The following CTNNA3 variants were observed in gnomAD, a reference collection of about 807,000 sequenced individuals.
The protein encoded by CTNNA3 is catenin alpha 3.
A neutral mutation model predicts 95.7 loss-of-function variants in CTNNA3; 76 were observed. That is an observed-to-expected ratio of 0.79 (90% CI 0.66 to 0.96). CTNNA3 has a LOEUF of 0.96. Among genes scored for constraint, CTNNA3 ranks in the 40% least tolerant of loss-of-function variants. The pLI is 0.00. For synonymous variants in CTNNA3, 431 were observed against 374.4 expected (o/e 1.15, Z -1.74); for missense variants, 1,191 against 1,089.8 (o/e 1.09, Z -1.31).
intron 5 of CTNNA3, among the ~76,000 whole-genome samples, chr10:67,360,961 A>T (rs565786322): frequency 6.0e-4 from 91 of 152,182 alleles, no homozygotes; most frequent in African/African-American, 2.1e-3. Context: ...AAAAAAGAGC[A>T]GTGATTGATA....
chr10:66,533,056 T>C (rs1312912712), intron 10 of CTNNA3, among the ~76,000 whole-genome samples: 1 of 152,176 alleles, frequency 6.6e-6, no homozygotes, highest in Non-Finnish European at 1.5e-5. Flanking sequence ...CTCTACAAAG[T>C]GATATTTCCA....
intron 9 of CTNNA3, among the ~76,000 whole-genome samples, chr10:66,677,421 T>C (rs977121306): frequency 6.6e-6 from 1 of 151,608 alleles, no homozygotes; most frequent in Non-Finnish European, 1.5e-5. Context: ...TTAATCAGAC[T>C]CAATAGATAT....
At chr10:67,516,939 C>T (rs917587883) in intron 5 of CTNNA3, among the ~76,000 whole-genome samples, 1 of 152,104 alleles carries the variant, frequency 6.6e-6, no homozygotes, top group Non-Finnish European at 1.5e-5. Context: ...GATTTCCTTC[C>T]TTTTTAAGGC....
chr10:66,151,388 A>T (rs1589564890), intron 13 of CTNNA3, among the ~76,000 whole-genome samples: 1 of 152,126 alleles, frequency 6.6e-6, no homozygotes, highest in East Asian at 1.9e-4. Flanking sequence ...AAATGATAAT[A>T]GTATGTGCAA....
chr10:66,119,515 T>G (rs2082482546), intron 13 of CTNNA3, among the ~76,000 whole-genome samples: 1 of 152,188 alleles, frequency 6.6e-6, no homozygotes. Context: ...TATACATATA[T>G]TTTTTACTCC....
intron 10 of CTNNA3, among the ~76,000 whole-genome samples, chr10:66,618,489 G>C (rs1202714539): frequency 6.6e-6 from 1 of 152,114 alleles, no homozygotes; most frequent in African/African-American, 2.4e-5. Context: ...AATGGTGCTG[G>C]GAAAACAGGC....
intron 12 of CTNNA3, among the ~76,000 whole-genome samples, chr10:66,318,276 A>ATATGTGTGTGTGTGTGTG (rs33943741): frequency 3.9e-4 from 53 of 136,654 alleles, no homozygotes; most frequent in African/African-American, 1.1e-3. Context: ...ATATATATAT[A>ATATGTGTGTGTGTGTGTG]TGTGTGTGTG....
At chr10:67,600,875 T>C (rs1843062699) in intron 3 of CTNNA3, among the ~76,000 whole-genome samples, 1 of 151,806 alleles carries the variant, frequency 6.6e-6, no homozygotes, top group Non-Finnish European at 1.5e-5. Context: ...AACTACTACA[T>C]GGTGAGCTCT....
chr10:66,115,586 TAGATAGAGATAG>T (rs71035111), intron 13 of CTNNA3, among the ~76,000 whole-genome samples: 6,277 of 118,146 alleles, frequency 0.053, 517 homozygotes, highest in African/African-American at 0.17. Context: ...AGATGATAGA[TAGATAGAGATAG>T]AGATAGAGAT....
Position 67,180,447 on chromosome 10 carries a change from G to A in CTNNA3, c.917C>T (p.Ala306Val), listed in dbSNP as rs754642444. 6.8e-6 allele frequency: 11 copies of A among 1,613,720 alleles called. No individual in the cohort carries two copies. The Middle Eastern group carries it at 4.9e-4, about 72-fold the overall frequency. The stretch of plus-strand genomic sequence containing the variant: ...CAGCAGAGCAGCCCCACTGATAATG[G>A]CTTCAAGGCGTTTCTCTAGTGATGG... Reference protein sequence around the residue: ...IRPSLEKRLEAIISGAALLAD... With the variant: ...IRPSLEKRLEVIISGAALLAD... Residue 306 changes from alanine to valine, a missense_variant, in exon 7 of 18, where the codon GCC becomes GTC. Physicochemically the swap from Ala to Val is moderately conservative, Grantham distance 64 (BLOSUM62 0). Transcript: ENST00000433211.
chr10:67,379,621 T>C (rs1229944286), intron 5 of CTNNA3, among the ~76,000 whole-genome samples: 1 of 152,146 alleles, frequency 6.6e-6, no homozygotes, highest in African/African-American at 2.4e-5. Context: ...ATAGGATCAA[T>C]AGGTGACAGG....
At chr10:67,233,940 C>A (rs1016084510) in intron 5 of CTNNA3, among the ~76,000 whole-genome samples, 30 of 152,148 alleles carry the variant, frequency 2.0e-4, no homozygotes, top group African/African-American at 6.3e-4. Context: ...TCGACACATA[C>A]ACCCTCCCAA....
In CTNNA3 at chr10:66,107,725, T is replaced by C. The variant is rs559420658; in HGVS notation, c.1885-4476A>G. The stretch of plus-strand genomic sequence containing the variant: ...AATGAAACAGGTGGCATTATTACAA[T>C]TAAAAATTCACTTGCGCAGACTTTA... On this transcript the variant is annotated intron_variant, in intron 13 of 17. Transcript: ENST00000433211. 2.8e-4 allele frequency among the ~76,000 whole-genome samples: 42 copies of C among 151,934 alleles called. No individual in the cohort carries two copies. In the South Asian group the frequency reaches 7.7e-3, roughly 28 times the overall value.
At chr10:67,165,218 A>C in intron 7 of CTNNA3, among the ~76,000 whole-genome samples, 1 of 152,192 alleles carries the variant, frequency 6.6e-6, no homozygotes, top group East Asian at 1.9e-4. Flanking sequence ...TGGATCTCTA[A>C]GGCATTATGC....
chr10:65,999,839 A>G (rs2078735464), intron 15 of CTNNA3, among the ~76,000 whole-genome samples: 1 of 152,004 alleles, frequency 6.6e-6, no homozygotes, highest in African/African-American at 2.4e-5. Context: ...ACAGAAAAAG[A>G]CCTAGAGAAG....
chr10:67,234,425 T>A (rs975316637), intron 5 of CTNNA3, among the ~76,000 whole-genome samples: 1 of 152,164 alleles, frequency 6.6e-6, no homozygotes, highest in Non-Finnish European at 1.5e-5. Flanking sequence ...CATGATTATC[T>A]CAACAGATGC....
At chr10:66,898,771 G>T (rs1161730528) in intron 7 of CTNNA3, among the ~76,000 whole-genome samples, 2 of 152,076 alleles carry the variant, frequency 1.3e-5, no homozygotes, top group Non-Finnish European at 2.9e-5. Flanking sequence ...AATATAATGG[G>T]AAAGTTTCAT....
chr10:66,502,050 T>C (rs1172674290), intron 11 of CTNNA3, among the ~76,000 whole-genome samples: 1 of 152,110 alleles, frequency 6.6e-6, no homozygotes, highest in Non-Finnish European at 1.5e-5. Context: ...ATTTTTTTAA[T>C]CTAGCTATCC....
chr10:67,256,530 T>C (rs946068932), intron 5 of CTNNA3, among the ~76,000 whole-genome samples: 40 of 152,212 alleles, frequency 2.6e-4, no homozygotes, highest in African/African-American at 9.2e-4. Flanking sequence ...CATTACCAGA[T>C]GGTTTATCTG....
Sources: allele counts gnomAD v4.1 joint callset (sites outside exome capture counted in the v4.1 genomes callset), GRCh38; gene constraint gnomAD v4.1.1; transcripts MANE v1.5; gene names NCBI Gene and HGNC (gene_info 2026-07-23, HGNC 2026-07-21).